The following CNTN5 variants were observed in gnomAD, a reference collection of about 807,000 sequenced individuals.
The protein encoded by CNTN5 is contactin-5.
In CNTN5, 77 loss-of-function variants were observed where a neutral mutation model predicts 129.1. The observed-to-expected ratio is 0.60, with a 90% CI of 0.50 to 0.72. The LOEUF is 0.72. Ranked by LOEUF, CNTN5 falls within the 30% of genes least tolerant of loss-of-function variation. The probability of loss-of-function intolerance (pLI) is 0.00; values close to 1 mark genes in which losing one functional copy is unlikely to be tolerated. For synonymous variants in CNTN5, 509 were observed against 465.6 expected (o/e 1.09, Z -1.20); for missense variants, 1,478 against 1,328.8 (o/e 1.11, Z -1.75).
intron 3 of CNTN5, among the ~76,000 whole-genome samples, chr11:99,647,572 A>T (rs1952012509): frequency 6.6e-6 from 1 of 151,958 alleles, no homozygotes; most frequent in African/African-American, 2.4e-5. Context: ...TTTTGTATAG[A>T]ATATCATTTG....
At chr11:99,730,986 T>C (rs565617422) in intron 3 of CNTN5, among the ~76,000 whole-genome samples, 19 of 152,304 alleles carry the variant, frequency 1.2e-4, no homozygotes, top group African/African-American at 4.1e-4. Flanking sequence ...ATAGTTGTAC[T>C]CTCTACCTCC....
At chr11:99,846,891 A>G (rs1177846653) in intron 6 of CNTN5, among the ~76,000 whole-genome samples, 1 of 152,214 alleles carries the variant, frequency 6.6e-6, no homozygotes, top group African/African-American at 2.4e-5. Context: ...TAGGCCAAAG[A>G]CACCAAGATA....
intron 15 of CNTN5, among the ~76,000 whole-genome samples, chr11:100,199,153 T>C (rs1948715984): frequency 1.3e-5 from 2 of 151,940 alleles, no homozygotes; most frequent in Admixed American, 1.3e-4. Flanking sequence ...TTCATCAACT[T>C]GGCATGCGAA....
At chr11:99,860,946 C>CTATATGTT (rs764953390) in intron 6 of CNTN5, among the ~76,000 whole-genome samples, 1 of 125,054 alleles carries the variant, frequency 8.0e-6, no homozygotes, top group African/African-American at 3.0e-5. Context: ...TGGAATATGT[C>CTATATGTT]TTCATTTTTT....
intron 1 of CNTN5, among the ~76,000 whole-genome samples, chr11:99,070,930 C>T (rs1032483644): frequency 1.3e-5 from 2 of 152,094 alleles, no homozygotes; most frequent in Non-Finnish European, 2.9e-5. Flanking sequence ...AATGAACATG[C>T]AAATCATCTG....
At chr11:100,343,948 G>A (rs1952222766) in intron 23 of CNTN5, among the ~76,000 whole-genome samples, 1 of 152,054 alleles carries the variant, frequency 6.6e-6, no homozygotes, top group Admixed American at 6.6e-5. Context: ...TTCCCACAAG[G>A]TAGTTTGAGG....
intron 1 of CNTN5, among the ~76,000 whole-genome samples, chr11:99,072,082 T>C (rs1865361286): frequency 6.6e-6 from 1 of 152,126 alleles, no homozygotes; most frequent in Non-Finnish European, 1.5e-5. Flanking sequence ...TGACCATTTA[T>C]ATGAAGTTGA....
chr11:99,442,508 G>T (rs1186837760), intron 2 of CNTN5, among the ~76,000 whole-genome samples: 2 of 152,190 alleles, frequency 1.3e-5, no homozygotes. Context: ...GTTAATCAAA[G>T]AGACAGAGTT....
chr11:99,554,257 T>A (rs1245138870), intron 2 of CNTN5, among the ~76,000 whole-genome samples: 1 of 152,126 alleles, frequency 6.6e-6, no homozygotes, highest in Non-Finnish European at 1.5e-5. Flanking sequence ...TGTATCACTG[T>A]TTGACACTGA....
intron 3 of CNTN5, among the ~76,000 whole-genome samples, chr11:99,788,105 A>G (rs577359422): frequency 2.6e-5 from 4 of 151,892 alleles, no homozygotes; most frequent in South Asian, 2.1e-4. Flanking sequence ...GCTTCGTTCT[A>G]TTTTCAGGTG....
chr11:99,694,964 C>T (rs1954207000), intron 3 of CNTN5, among the ~76,000 whole-genome samples: 1 of 152,070 alleles, frequency 6.6e-6, no homozygotes, highest in South Asian at 2.1e-4. Context: ...ATAATTTTGA[C>T]ATTTTTGAAT....
intron 1 of CNTN5, among the ~76,000 whole-genome samples, chr11:99,087,116 A>T (rs1210341728): frequency 6.6e-6 from 1 of 152,198 alleles, no homozygotes; most frequent in Non-Finnish European, 1.5e-5. Flanking sequence ...AGAGAAATTT[A>T]GTCCTGTGAA....
intron 10 of CNTN5, among the ~76,000 whole-genome samples, chr11:100,067,630 A>G (rs1158829212): frequency 9.9e-5 from 15 of 152,096 alleles, no homozygotes; most frequent in Admixed American, 9.2e-4. Context: ...TTATCTGCCA[A>G]TAATTGACAT....
chr11:99,300,857 A>T (rs917467081), intron 1 of CNTN5, among the ~76,000 whole-genome samples: 1 of 152,018 alleles, frequency 6.6e-6, no homozygotes, highest in Admixed American at 6.6e-5. Flanking sequence ...GTAAAACATG[A>T]TGCTTTCATC....
intron 18 of CNTN5, among the ~76,000 whole-genome samples, chr11:100,292,146 T>C (rs1950998744): frequency 6.6e-6 from 1 of 152,198 alleles, no homozygotes; most frequent in South Asian, 2.1e-4. Context: ...TTCTTTCCAC[T>C]TTATTTTGTA....
intron 17 of CNTN5, among the ~76,000 whole-genome samples, chr11:100,260,003 G>A (rs755319275): frequency 1.3e-5 from 2 of 152,094 alleles, no homozygotes; most frequent in Non-Finnish European, 2.9e-5. Flanking sequence ...AATGAATCCA[G>A]GAGCTGGTGT....
intron 16 of CNTN5, among the ~76,000 whole-genome samples, chr11:100,251,505 C>A (rs561888389): frequency 6.6e-6 from 1 of 152,210 alleles, no homozygotes; most frequent in South Asian, 2.1e-4. Flanking sequence ...TGGTCTATAG[C>A]CCTAGAACTT....
intron 1 of CNTN5, among the ~76,000 whole-genome samples, chr11:99,159,007 G>T (rs951948366): frequency 6.6e-6 from 1 of 152,098 alleles, no homozygotes; most frequent in Non-Finnish European, 1.5e-5. Flanking sequence ...TGGAATTTAA[G>T]AATCTGTTAT....
At chr11:99,265,137 A>C (rs1862827867) in intron 1 of CNTN5, among the ~76,000 whole-genome samples, 1 of 152,160 alleles carries the variant, frequency 6.6e-6, no homozygotes, top group Admixed American at 6.6e-5. Context: ...GAATTAAAAA[A>C]AAATAGTAAC....
Sources: gnomAD v4.1 joint callset for allele counts (sites outside exome capture counted in the v4.1 genomes callset) on GRCh38, gnomAD v4.1.1 for gene constraint, MANE v1.5 for transcripts, NCBI Gene and HGNC (gene_info 2026-07-23, HGNC 2026-07-21) for gene names.